Variants in ATP2B4 observed in about 807,000 individuals in gnomAD.
The protein encoded by ATP2B4 is plasma membrane calcium-transporting ATPase 4.
In ATP2B4, 39 loss-of-function variants were observed where a neutral mutation model predicts 110.3. That is an observed-to-expected ratio of 0.35 (90% CI 0.27 to 0.46). ATP2B4 has a LOEUF of 0.46. Among genes scored for constraint, ATP2B4 ranks in the 20% least tolerant of loss-of-function variants. The probability of loss-of-function intolerance (pLI) is 1.00; values close to 1 mark genes in which losing one functional copy is unlikely to be tolerated. For missense variants in ATP2B4, 1,135 were observed against 1,530.9 expected (o/e 0.74, Z 4.32); for synonymous variants, 538 against 571.7 (o/e 0.94, Z 0.84).
chr1:203,676,075 C>T (rs1664819391), intron 1 of ATP2B4, among the ~76,000 whole-genome samples: 1 of 152,178 alleles, frequency 6.6e-6, no homozygotes, highest in South Asian at 2.1e-4. Flanking sequence ...GGCCAGAGGC[C>T]TGGCTTGGTG....
intron 18 of ATP2B4, among the ~76,000 whole-genome samples, chr1:203,723,467 CCT>C (rs1341051332): frequency 9.5e-4 from 70 of 74,012 alleles, no homozygotes; most frequent in African/African-American, 1.2e-3. Context: ...TCTCCCTCTG[CCT>C]CTCTCTCTCT....
At chr1:203,700,371 G>A (rs1410019442) in intron 5 of ATP2B4, 40 bp downstream of exon 5, 2 of 1,590,084 alleles carry the variant, frequency 1.3e-6, no homozygotes, top group East Asian at 2.2e-5. Flanking sequence ...TTACCTCCCT[G>A]CAAACACCTA....
chr1:203,707,584 C>G (rs1558043866), intron 9 of ATP2B4, among the ~76,000 whole-genome samples: 1 of 152,114 alleles, frequency 6.6e-6, no homozygotes, highest in Non-Finnish European at 1.5e-5. Context: ...GTGTGCACCA[C>G]CATGCCCAGT....
chr1:203,688,871 G>GT (rs766562623), intron 2 of ATP2B4, among the ~76,000 whole-genome samples: 1 of 149,622 alleles, frequency 6.7e-6, no homozygotes, highest in Non-Finnish European at 1.5e-5. Context: ...CTTTATGTCT[G>GT]TATATAAACA....
At chr1:203,713,685 G>A (rs1310084934) in intron 14 of ATP2B4, among the ~76,000 whole-genome samples, 6 of 151,998 alleles carry the variant, frequency 3.9e-5, no homozygotes, top group East Asian at 1.9e-4. Context: ...GGCTGGTCTC[G>A]AACTCCTGAC....
At chr1:203,720,485 G>A in intron 15 of ATP2B4, 64 bp from the exon 16 acceptor site, 1 of 1,481,604 alleles carries the variant, frequency 6.7e-7, no homozygotes, top group Non-Finnish European at 9.1e-7. Context: ...GCTTCCTGGA[G>A]GTCAGGAAAT....
chr1:203,700,720 C>T lies in ATP2B4; in HGVS notation c.776-78C>T. ...GGGGTAGGGAGGAGTATTTTTTCTTCTAAGTTTGTGTTTCATACCAAATCA... is the reference window on the plus strand; with the variant it reads ...GGGGTAGGGAGGAGTATTTTTTCTTTTAAGTTTGTGTTTCATACCAAATCA... On this transcript the variant is annotated intron_variant, in intron 5 of 20. Coordinates refer to ENST00000357681, the MANE Select transcript of ATP2B4 (RefSeq NM_001684.5). 7 of 1,573,102 alleles carry T rather than the reference C, an allele frequency of 4.4e-6. No homozygotes were observed. In the Admixed American group the frequency reaches 5.2e-5, roughly 12 times the overall value.
At chr1:203,726,281 T>G (rs1666514185) in intron 19 of ATP2B4, among the ~76,000 whole-genome samples, 1 of 152,034 alleles carries the variant, frequency 6.6e-6, no homozygotes. Context: ...GTTGCCAGGC[T>G]GATCTCAAAG....
chr1:203,712,055 A>T lies in ATP2B4; in HGVS notation c.2127A>T (p.Lys709Asn), dbSNP rs1435463206. 7 of 1,613,984 alleles carry T rather than the reference A, an allele frequency of 4.3e-6. No individual in the cohort carries two copies. Among genetic ancestry groups the T allele is most frequent in the African/African-American group, 1.3e-5 (1 of 74,934 alleles). Residue 709 changes from lysine (K) to asparagine (N), a missense_variant, in exon 13 of 21, where the codon AAA (lysine) becomes AAT (asparagine). Transcript: ENST00000357681. ...NINTARAIATKCGILTPGDDF... is the reference protein window; with the variant it reads ...NINTARAIATNCGILTPGDDF... ...ACACAGCCCGGGCCATTGCCACCAA[A>T]TGTGGCATTCTGACACCTGGGGATG... is the stretch of plus-strand genomic sequence containing the variant.
chr1:203,657,530 G>A (rs1196774543), intron 1 of ATP2B4: 2 of 806,014 alleles, frequency 2.5e-6, no homozygotes, highest in African/African-American at 1.7e-5. Flanking sequence ...TTTGTTTGGT[G>A]TTTCTCTTTT....
At chr1:203,669,494 T>A (rs1480586645) in intron 1 of ATP2B4, among the ~76,000 whole-genome samples, 1 of 152,140 alleles carries the variant, frequency 6.6e-6, no homozygotes, top group East Asian at 1.9e-4. Flanking sequence ...TGGAGTGCGA[T>A]GGCGTGATCT....
At chr1:203,727,295 G>A in intron 19 of ATP2B4, 100 bp from the exon 20 acceptor site, 3 of 1,405,314 alleles carry the variant, frequency 2.1e-6, no homozygotes, top group Non-Finnish European at 2.9e-6. Context: ...GGGTGGTAGG[G>A]CAAAGAGTAA....
chr1:203,727,328 G>A, intron 19 of ATP2B4, 67 bp from the exon 20 acceptor site: 7 of 1,575,308 alleles, frequency 4.4e-6, no homozygotes, highest in South Asian at 1.2e-5. Context: ...CCTGGCTCAT[G>A]TAAGTTGACT....
chr1:203,634,423 C>T (rs1185573483), intron 1 of ATP2B4, among the ~76,000 whole-genome samples: 2 of 152,030 alleles, frequency 1.3e-5, no homozygotes, highest in African/African-American at 4.8e-5. Flanking sequence ...CCTTGAACTC[C>T]TAGGCTCAAG....
rs955866 is a variant in ATP2B4 at position 203,739,940 on chromosome 1, T to C, written c.*86T>C. 0.58 allele frequency: 813,331 copies of C among 1,401,572 alleles called. 237,338 individuals are homozygous for C. The highest frequency in any genetic ancestry group is 0.71 in the Admixed American group (31,486 of 44,150). 86.8% of individuals were successfully genotyped at this position (1,401,572 alleles called of 1,614,324 possible). A position where few individuals can be genotyped will look rare whatever the true frequency, so the allele number is the denominator to read the frequency against. Reference sequence around the variant, plus strand: ...ATGAGGTGATGATGGGACTTTTCATTGTCACGTCAGCTGCTGTGTTAACAG... The same window carrying C: ...ATGAGGTGATGATGGGACTTTTCATCGTCACGTCAGCTGCTGTGTTAACAG... On this transcript the variant is annotated 3_prime_UTR_variant, in exon 21 of 21. Transcript: ENST00000357681.
intron 1 of ATP2B4, among the ~76,000 whole-genome samples, chr1:203,678,141 A>G (rs1664883069): frequency 6.6e-6 from 1 of 152,148 alleles, no homozygotes; most frequent in Non-Finnish European, 1.5e-5. Flanking sequence ...ATCACATTCA[A>G]TAGGAGCATT....
intron 20 of ATP2B4, 119 bp from the exon 21 acceptor site, chr1:203,739,427 G>A (rs907836192): frequency 7.1e-6 from 7 of 984,940 alleles, no homozygotes; most frequent in Non-Finnish European, 1.1e-5. Flanking sequence ...TTTTGATGCT[G>A]AGCAGTCATG....
rs781434538 is a variant in ATP2B4, at chr1:203,712,157, G to C, written c.2211+18G>C. The C allele has an allele frequency of 2.5e-6, 4 of 1,611,784 alleles. No homozygotes were observed. In the South Asian group the frequency reaches 4.4e-5, roughly 18 times the overall value. ...AAGGCGAGGTGGGTCCTGGCTAGGG[G>C]GAACCAGGACCTCACCTGACAAGGA... On this transcript the variant is annotated intron_variant, in intron 13 of 20. Coordinates refer to ENST00000357681, the MANE Select transcript of ATP2B4 (RefSeq NM_001684.5).
intron 1 of ATP2B4, among the ~76,000 whole-genome samples, chr1:203,651,017 C>T (rs1391794557): frequency 6.6e-6 from 1 of 152,130 alleles, no homozygotes; most frequent in African/African-American, 2.4e-5. Flanking sequence ...TCTAGTGATC[C>T]TCCTGCCTCG....
Sources: gnomAD v4.1 joint callset for allele counts (sites outside exome capture counted in the v4.1 genomes callset) on GRCh38, gnomAD v4.1.1 for gene constraint, MANE v1.5 for transcripts, NCBI Gene and HGNC (gene_info 2026-07-23, HGNC 2026-07-21) for gene names.